COG5: variants seen among roughly 807,000 people sequenced by gnomAD.
The protein encoded by COG5 is component of oligomeric golgi complex 5, also known as conserved oligomeric Golgi complex subunit 5.
A neutral mutation model predicts 110.4 loss-of-function variants in COG5; 86 were observed. The observed-to-expected ratio is 0.78, with a 90% CI of 0.65 to 0.93. COG5 has a LOEUF of 0.93. Among genes scored for constraint, COG5 ranks in the 40% least tolerant of loss-of-function variants. The pLI is 0.00. For missense variants in COG5, 1,077 were observed against 987.0 expected (o/e 1.09, Z -1.22); for synonymous variants, 360 against 334.6 (o/e 1.08, Z -0.83).
intron 6 of COG5, among the ~76,000 whole-genome samples, chr7:107,502,609 A>T (rs1160881478): frequency 6.6e-6 from 1 of 152,114 alleles, no homozygotes; most frequent in African/African-American, 2.4e-5. Context: ...TGTTTTCCAT[A>T]AAGGTTGTAT....
chr7:107,324,189 T>C (rs1290731108), intron 11 of COG5, among the ~76,000 whole-genome samples: 1 of 152,146 alleles, frequency 6.6e-6, no homozygotes, highest in Non-Finnish European at 1.5e-5. Context: ...GTCTGAATAA[T>C]AAGATATTGA....
rs1792378073 is a variant in COG5 at position 107,412,511 on chromosome 7, C to T, written c.660G>A (p.Leu220=). 5 of 1,612,706 alleles carry T rather than the reference C, an allele frequency of 3.1e-6. No homozygotes were observed. The South Asian group carries it at 4.4e-5, about 14-fold the overall frequency. The part of the protein sequence containing the change: ...NQAKRLLEQG[L]ETQNPTQVGT... ...GTCTTATTTTTATTACCTGAGTCTC[C>T]AAACCCTGCTCTAGTAGGCGCTTAG... Residue 220 remains leucine, a synonymous_variant, in exon 7 of 22, where the codon TTG becomes TTA. Coordinates refer to ENST00000297135, the MANE Select transcript of COG5 (RefSeq NM_006348.5).
At chr7:107,350,552 A>C (rs762343854) in intron 10 of COG5, among the ~76,000 whole-genome samples, 6 of 152,096 alleles carry the variant, frequency 3.9e-5, no homozygotes, top group Non-Finnish European at 7.4e-5. Context: ...GCCATTTTGC[A>C]TTGTTTTTAT....
intron 19 of COG5, among the ~76,000 whole-genome samples, chr7:107,225,892 A>G (rs931717772): frequency 6.6e-6 from 1 of 151,938 alleles, no homozygotes; most frequent in Non-Finnish European, 1.5e-5. Context: ...AAAATACAAA[A>G]ATTTGCCGGG....
intron 6 of COG5, among the ~76,000 whole-genome samples, chr7:107,518,939 G>A (rs1031637996): frequency 6.6e-5 from 10 of 152,024 alleles, no homozygotes; most frequent in Non-Finnish European, 1.3e-4. Context: ...GCAAAAGAAT[G>A]GAAATCATAA....
rs560401611 is a variant in COG5, at chr7:107,352,079, A to T, written c.1026+9954T>A. On this transcript the variant is annotated intron_variant, in intron 10 of 21. Coordinates refer to ENST00000297135, the MANE Select transcript of COG5 (RefSeq NM_006348.5). ...CAACCCAAATGTCCAACAATGATAG[A>T]CTGGATTAAGAAAATGTGGCACATA... Among the ~76,000 whole-genome samples the T allele has an allele frequency of 5.3e-3, 773 of 147,022 alleles. 9 individuals carry two copies. The highest frequency in any genetic ancestry group is 0.011 in the Middle Eastern group (3 of 284).
chr7:107,232,880 C>T (rs1007449185), intron 18 of COG5, among the ~76,000 whole-genome samples: 3 of 152,118 alleles, frequency 2.0e-5, no homozygotes, highest in African/African-American at 4.8e-5. Flanking sequence ...GCTGCAGGCA[C>T]GGTGAACTAA....
In COG5 at chr7:107,454,641, G is replaced by A. The variant is rs74639080; in HGVS notation, c.539-42009C>T. Among the ~76,000 whole-genome samples the A allele has an allele frequency of 5.5e-3, 839 of 152,118 alleles. 8 individuals are homozygous for A. Among genetic ancestry groups the A allele is most frequent in the African/African-American group, 0.019 (808 of 41,508 alleles). ...CCCATAGTATCATAAGAAAAATGAA[G>A]AAGAGATTCTTTTGTATTTTTTCTT... On this transcript the variant is annotated intron_variant, in intron 6 of 21. Transcript: ENST00000297135.
chr7:107,456,504 C>T (rs1254332771), intron 6 of COG5, among the ~76,000 whole-genome samples: 3 of 152,070 alleles, frequency 2.0e-5, no homozygotes, highest in African/African-American at 7.2e-5. Context: ...ATATACTTTC[C>T]CCTATAATGT....
intron 6 of COG5, among the ~76,000 whole-genome samples, chr7:107,455,535 A>G (rs1467160920): frequency 2.0e-5 from 3 of 152,204 alleles, no homozygotes; most frequent in African/African-American, 7.2e-5. Context: ...AGGTCAAAAA[A>G]GAAAACAAAG....
At chr7:107,382,241 G>C (rs1815189235) in intron 7 of COG5, among the ~76,000 whole-genome samples, 1 of 152,166 alleles carries the variant, frequency 6.6e-6, no homozygotes, top group Non-Finnish European at 1.5e-5. Flanking sequence ...CTTAAGAGGA[G>C]AGGCTCACCC....
chr7:107,236,555 A>G lies in COG5; in HGVS notation c.1986T>C (p.Thr662=), dbSNP rs1429624253. 1.9e-6 allele frequency: 3 copies of G among 1,614,044 alleles called. No homozygotes were observed. In the African/African-American group the frequency reaches 4.0e-5, roughly 22 times the overall value. ...CAACAGCTCTTTGGGCAATAGCCTC[A>G]GTGTTGTCAAAGACAAAATCCAAGC... is the stretch of plus-strand genomic sequence containing the variant. ...FECLDFVFDN[T]EAIAQRAVEL... The change falls in exon 18 of 22, where the codon ACT becomes ACC. Residue 662 remains threonine, a synonymous_variant. Transcript: ENST00000297135.
intron 10 of COG5, among the ~76,000 whole-genome samples, chr7:107,352,762 T>G (rs1050310415): frequency 6.6e-6 from 1 of 151,680 alleles, no homozygotes; most frequent in Admixed American, 6.6e-5. Flanking sequence ...CTGAAAATGC[T>G]GAATGCTCTC....
chr7:107,283,456 T>C (rs185235831), intron 13 of COG5, 115 bp downstream of exon 13: 285 of 853,132 alleles, frequency 3.3e-4, no homozygotes, highest in Non-Finnish European at 4.2e-4. Context: ...TTAATTTAAT[T>C]GTGGGCCTAA....
chr7:107,477,556 G>A (rs1797066180), intron 6 of COG5, among the ~76,000 whole-genome samples: 1 of 151,754 alleles, frequency 6.6e-6, no homozygotes, highest in African/African-American at 2.4e-5. Context: ...ACTTGACACT[G>A]AAGCAGACAT....
chr7:107,541,108 G>A (rs183644190), intron 5 of COG5, among the ~76,000 whole-genome samples: 170 of 150,972 alleles, frequency 1.1e-3, no homozygotes, highest in Non-Finnish European at 2.0e-3. Flanking sequence ...CCAAGATCCT[G>A]CCACTGCACC....
At chr7:107,249,690 TTGTGTGTGTGTGTGTG>T (rs57572752) in intron 16 of COG5, among the ~76,000 whole-genome samples, 2,110 of 131,752 alleles carry the variant, frequency 0.016, 52 homozygotes, top group African/African-American at 0.053. Context: ...ACGTACAGGA[TTGTGTGTGTGTGTGTG>T]TGTGTGTGTG....
At position 107,318,642 on chromosome 7, in the gene COG5, A is replaced by G. The variant is rs76371767; in HGVS notation, c.1108+5798T>C. ...CTGAGTTTCTCTTCCTGACTTGCTG[A>G]TGGCCTCCCTCTTGCTAAGTGCTCT... On this transcript the variant is annotated intron_variant, in intron 11 of 21. Transcript: ENST00000297135. Among the ~76,000 whole-genome samples the G allele has an allele frequency of 2.5e-3, 377 of 152,246 alleles. 1 individual carries two copies. Among genetic ancestry groups the G allele is most frequent in the Non-Finnish European group, 4.5e-3 (304 of 68,012 alleles).
At chr7:107,389,148 G>A (rs1366569018) in intron 7 of COG5, among the ~76,000 whole-genome samples, 1 of 152,058 alleles carries the variant, frequency 6.6e-6, no homozygotes, top group Non-Finnish European at 1.5e-5. Flanking sequence ...CTGTCACCTG[G>A]GCAGACACCC....
Sources: allele counts gnomAD v4.1 joint callset (sites outside exome capture counted in the v4.1 genomes callset), GRCh38; gene constraint gnomAD v4.1.1; transcripts MANE v1.5; gene names NCBI Gene and HGNC (gene_info 2026-07-23, HGNC 2026-07-21).